Variants in CD8B observed in about 807,000 individuals in gnomAD.
The protein encoded by CD8B is T-cell surface glycoprotein CD8 beta chain.
CD8B carries 6 observed loss-of-function variants against 24.2 expected under a neutral mutation model. That is an observed-to-expected ratio of 0.25 (90% CI 0.14 to 0.49). The LOEUF (loss-of-function observed/expected upper bound fraction) is 0.49, where lower values mean the gene tolerates loss of function less well. Among genes scored for constraint, CD8B ranks in the 20% least tolerant of loss-of-function variants. CD8B has a pLI of 0.98. For missense variants in CD8B, 196 were observed against 271.3 expected, an observed-to-expected ratio of 0.72 and a Z score of 1.95; for synonymous variants, 84 against 108.3, an observed-to-expected ratio of 0.78 and a Z score of 1.39.
At chr2:86,821,782 C>G (rs1253987646) in intron 5 of CD8B, 1 of 414,002 alleles carries the variant, frequency 2.4e-6, no homozygotes, top group South Asian at 1.7e-5. Flanking sequence ...AGGGGAAAGC[C>G]CCCACAAACC....
At chr2:86,853,829 C>T (rs1249625979) in intron 2 of CD8B, among the ~76,000 whole-genome samples, 1 of 152,204 alleles carries the variant, frequency 6.6e-6, no homozygotes, top group Non-Finnish European at 1.5e-5. Context: ...CCTCAGCCTC[C>T]AGAGTAGCTG....
intron 5 of CD8B, among the ~76,000 whole-genome samples, chr2:86,822,889 A>T (rs61712475): frequency 0.017 from 2,624 of 152,298 alleles, 72 homozygotes; most frequent in African/African-American, 0.06. Context: ...ATGTTGTCTC[A>T]TCATTCTGCA....
downstream of CD8B, among the ~76,000 whole-genome samples, chr2:86,834,531 G>C (rs1275234542): frequency 2.6e-5 from 4 of 151,942 alleles, no homozygotes; most frequent in Non-Finnish European, 1.5e-5. Context: ...GTGTGGGGGA[G>C]AGGGTGGGGA....
In CD8B at chr2:86,848,701, A is replaced by ATTAATTAATTAATTATTTAT. The variant is rs58311096; in HGVS notation, c.494-1929_494-1928insATAAATAATTAATTAATTAA. Among the ~76,000 whole-genome samples the ATTAATTAATTAATTATTTAT allele has an allele frequency of 1.3e-3, 74 of 58,882 alleles. 1 individual carries two copies. Among genetic ancestry groups the ATTAATTAATTAATTATTTAT allele is most frequent in the Middle Eastern group, 7.6e-3 (1 of 132 alleles). The allele number at this position is 58,882 out of a possible 152,430, so 38.6% of individuals were successfully genotyped here. On this transcript the variant is annotated intron_variant, in intron 3 of 5. Coordinates refer to ENST00000390655, the MANE Select transcript of CD8B (RefSeq NM_004931.5). ...GGAAGAAAGGTATTGGTATTTTTAA[A>ATTAATTAATTAATTATTTAT]TTATTTATTTATTTATTTATTTATT... is the stretch of plus-strand genomic sequence containing the variant.
At chr2:86,846,557 C>G (rs1383593311) in intron 4 of CD8B, 127 bp downstream of exon 4, 2 of 606,202 alleles carry the variant, frequency 3.3e-6, no homozygotes, top group African/African-American at 3.9e-5. Flanking sequence ...CTGGAAATAC[C>G]GTAGGTTCTC....
chr2:86,837,029 T>C, downstream of CD8B, among the ~76,000 whole-genome samples: 1 of 152,060 alleles, frequency 6.6e-6, no homozygotes, highest in African/African-American at 2.4e-5. Flanking sequence ...TGGTAGTGCA[T>C]GCCCATAGTC....
At chr2:86,822,135 C>T (rs962257860) in intron 5 of CD8B, among the ~76,000 whole-genome samples, 1 of 152,216 alleles carries the variant, frequency 6.6e-6, no homozygotes, top group South Asian at 2.1e-4. Flanking sequence ...AGCATCAACT[C>T]TCCTTTAGCT....
intron 3 of CD8B, 152 bp from the exon 4 acceptor site, chr2:86,846,925 G>GTCTTTTTTTTTTTTTTTTTTT (rs1285464744): frequency 5.7e-6 from 1 of 176,724 alleles, no homozygotes; most frequent in African/African-American, 3.6e-5. Context: ...TTTTCCTCAA[G>GTCTTTTTTTTTTTTTTTTTTT]TATTTTTTTT....
At chr2:86,836,295 G>T (rs1475334070), downstream of CD8B, among the ~76,000 whole-genome samples, 1 of 152,134 alleles carries the variant, frequency 6.6e-6, no homozygotes, top group Admixed American at 6.5e-5. Flanking sequence ...CAGGTGGCAG[G>T]AAAGAGCCAG....
At chr2:86,847,813 G>A (rs1382109132) in intron 3 of CD8B, among the ~76,000 whole-genome samples, 134 of 152,054 alleles carry the variant, frequency 8.8e-4, no homozygotes, top group Non-Finnish European at 1.5e-3. Flanking sequence ...TGATCCACCC[G>A]CCTCAGCCTC....
chr2:86,821,871 A>G (rs547084108), intron 5 of CD8B: 10 of 265,966 alleles, frequency 3.8e-5, no homozygotes, highest in Admixed American at 8.2e-5. Context: ...CCTTCGCTCC[A>G]GCTCGTTCTG....
intron 5 of CD8B, among the ~76,000 whole-genome samples, chr2:86,830,542 A>AG (rs1256418963): frequency 4.0e-5 from 6 of 151,644 alleles, no homozygotes; most frequent in Non-Finnish European, 7.4e-5. Context: ...ACTCCAGCCT[A>AG]GGGGACAGAG....
chr2:86,818,657 T>C (rs1398394264), intron 5 of CD8B, among the ~76,000 whole-genome samples: 1 of 152,220 alleles, frequency 6.6e-6, no homozygotes, highest in African/African-American at 2.4e-5. Flanking sequence ...CCAGCCATTC[T>C]GTATCTCCTT....
chr2:86,846,402 C>A (rs1675677299), intron 4 of CD8B, among the ~76,000 whole-genome samples: 1 of 152,030 alleles, frequency 6.6e-6, no homozygotes, highest in Non-Finnish European at 1.5e-5. Context: ...TAATGTCCTA[C>A]CCCCATCTGA....
downstream of CD8B, among the ~76,000 whole-genome samples, chr2:86,834,488 A>ACACACACACACACACACACACACACACAC (rs199775749): frequency 2.8e-5 from 4 of 142,222 alleles, no homozygotes; most frequent in African/African-American, 5.2e-5. Flanking sequence ...ACACACACAC[A>ACACACACACACACACACACACACACACAC]AAAGTCTTAA....
intron 5 of CD8B, among the ~76,000 whole-genome samples, chr2:86,822,157 G>T (rs1343190991): frequency 6.6e-6 from 1 of 152,012 alleles, no homozygotes; most frequent in African/African-American, 2.4e-5. Context: ...TTGGGAAAAA[G>T]GGTTTTAAAG....
chr2:86,844,698 A>T (rs565267006), intron 5 of CD8B: 5 of 1,486,278 alleles, frequency 3.4e-6, no homozygotes, highest in Non-Finnish European at 3.7e-6. Flanking sequence ...GCTGGAGTGC[A>T]GTGGTACCAT....
At chr2:86,822,207 A>G (rs1674505903) in intron 5 of CD8B, 2 of 609,750 alleles carry the variant, frequency 3.3e-6, no homozygotes, top group Non-Finnish European at 5.8e-6. Flanking sequence ...CAGTGCTGAA[A>G]ATGTGTTTTC....
At chr2:86,858,447 C>A in intron 1 of CD8B, 31 bp from the exon 2 acceptor site, 3 of 1,555,040 alleles carry the variant, frequency 1.9e-6, no homozygotes, top group Non-Finnish European at 2.6e-6. Context: ...AGACATCACA[C>A]ATTTTCCTAG....
Sources: gnomAD v4.1 joint callset for allele counts (sites outside exome capture counted in the v4.1 genomes callset) on GRCh38, gnomAD v4.1.1 for gene constraint, MANE v1.5 for transcripts, NCBI Gene and HGNC (gene_info 2026-07-23, HGNC 2026-07-21) for gene names.